Variants in CACNB2 observed in about 807,000 individuals in gnomAD.
CACNB2 encodes the protein calcium voltage-gated channel auxiliary subunit beta 2.
Under a neutral mutation model 73.3 loss-of-function variants are expected in CACNB2, and 42 were observed. The ratio of observed to expected loss-of-function variants is 0.57; its 90% confidence interval spans 0.45 to 0.74. The LOEUF (loss-of-function observed/expected upper bound fraction) is 0.74, where lower values mean the gene tolerates loss of function less well. Ranked by LOEUF, CACNB2 falls within the 30% of genes least tolerant of loss-of-function variation. The probability of loss-of-function intolerance (pLI) is 0.00; values close to 1 mark genes in which losing one functional copy is unlikely to be tolerated. For synonymous variants in CACNB2, 348 were observed against 310.3 expected (o/e 1.12, Z -1.28); for missense variants, 940 against 853.0 (o/e 1.10, Z -1.27).
At chr10:18,264,395 G>T (rs912174225) in intron 2 of CACNB2, among the ~76,000 whole-genome samples, 14 of 152,142 alleles carry the variant, frequency 9.2e-5, no homozygotes, top group Non-Finnish European at 1.8e-4. Context: ...AGAAAAGTGG[G>T]TGCAGAAATT....
chr10:18,474,893 C>T (rs1409204), intron 3 of CACNB2, among the ~76,000 whole-genome samples: 19,722 of 151,464 alleles, frequency 0.13, 1,401 homozygotes, highest in Admixed American at 0.18. Flanking sequence ...AGGCTGAGTC[C>T]CAAAAGACTG....
At chr10:18,514,469 C>T (rs372867040) in intron 7 of CACNB2, 100 bp downstream of exon 7, 157 of 1,613,930 alleles carry the variant, frequency 9.7e-5, no homozygotes, top group Admixed American at 1.5e-4. Context: ...AAGCCAATAA[C>T]GTGCATGCTC....
chr10:18,503,681 G>A (rs567603112), intron 5 of CACNB2, among the ~76,000 whole-genome samples: 72 of 152,348 alleles, frequency 4.7e-4, no homozygotes, highest in African/African-American at 1.6e-3. Flanking sequence ...TATATCGTTT[G>A]TTGAGGTTTG....
intron 9 of CACNB2, 69 bp from the exon 10 acceptor site, chr10:18,527,519 G>A (rs2052597508): frequency 5.4e-6 from 5 of 918,546 alleles, no homozygotes; most frequent in Non-Finnish European, 9.2e-6. Context: ...TGAATTTGGG[G>A]CATACACTTC....
intron 2 of CACNB2, among the ~76,000 whole-genome samples, chr10:18,353,469 T>G (rs2041796462): frequency 6.6e-6 from 1 of 152,110 alleles, no homozygotes; most frequent in African/African-American, 2.4e-5. Context: ...CTTGGAAAAG[T>G]CTTAGTTAAG....
At chr10:18,369,476 G>A (rs564141902) in intron 2 of CACNB2, among the ~76,000 whole-genome samples, 27 of 152,138 alleles carry the variant, frequency 1.8e-4, no homozygotes, top group Middle Eastern at 3.4e-3. Flanking sequence ...TCAGTGATGT[G>A]GTCTTATTTT....
intron 2 of CACNB2, chr10:18,341,017 G>A (rs201816240): frequency 2.8e-5 from 45 of 1,603,256 alleles, no homozygotes; most frequent in East Asian, 2.5e-4. Flanking sequence ...TGCACGGTGC[G>A]GTTTAAAGAA....
chr10:18,505,028 A>G (rs1019248459), intron 5 of CACNB2, among the ~76,000 whole-genome samples: 1 of 152,194 alleles, frequency 6.6e-6, no homozygotes, highest in Non-Finnish European at 1.5e-5. Flanking sequence ...CAGAAATTAT[A>G]AAAATTGACA....
intron 3 of CACNB2, among the ~76,000 whole-genome samples, chr10:18,464,520 G>A (rs190841722): frequency 1.0e-4 from 15 of 150,622 alleles, no homozygotes; most frequent in African/African-American, 2.9e-4. Context: ...ATATTCACAC[G>A]GACCTCAAAC....
intron 2 of CACNB2, among the ~76,000 whole-genome samples, chr10:18,272,108 C>T: frequency 6.6e-6 from 1 of 151,806 alleles, no homozygotes; most frequent in Non-Finnish European, 1.5e-5. Flanking sequence ...ATTGACTTCT[C>T]TATGGTAGTT....
intron 9 of CACNB2, among the ~76,000 whole-genome samples, chr10:18,520,883 G>C (rs996440485): frequency 3.9e-5 from 6 of 152,228 alleles, no homozygotes; most frequent in Non-Finnish European, 4.4e-5. Context: ...TTTGTTCTGT[G>C]TCTCTCCTTT....
chr10:18,535,969 T>A, intron 11 of CACNB2, 132 bp from the exon 12 acceptor site: 1 of 633,222 alleles, frequency 1.6e-6, no homozygotes, highest in South Asian at 1.9e-5. Flanking sequence ...TTGCAGATAA[T>A]CTTATAGCTC....
intron 2 of CACNB2, among the ~76,000 whole-genome samples, chr10:18,398,712 C>A (rs541219466): frequency 1.1e-4 from 16 of 140,300 alleles, no homozygotes; most frequent in South Asian, 2.3e-4. Flanking sequence ...CACACACACA[C>A]ACAATTGTTT....
chr10:18,257,716 C>T (rs72784216), intron 2 of CACNB2, among the ~76,000 whole-genome samples: 21,647 of 152,076 alleles, frequency 0.14, 1,898 homozygotes, highest in East Asian at 0.24. Context: ...GTTCCCTTGG[C>T]GTTCCCATTG....
At chr10:18,493,456 G>A (rs552036879) in intron 3 of CACNB2, among the ~76,000 whole-genome samples, 47 of 152,196 alleles carry the variant, frequency 3.1e-4, no homozygotes, top group African/African-American at 1.1e-3. Flanking sequence ...GTAAACCACT[G>A]CACCCATCCA....
chr10:18,475,159 C>T (rs1025442019), intron 3 of CACNB2, among the ~76,000 whole-genome samples: 2 of 151,564 alleles, frequency 1.3e-5, no homozygotes, highest in Non-Finnish European at 2.9e-5. Context: ...TCTAGGTACG[C>T]CACCCTTCCA....
chr10:18,463,118 C>A (rs1290573782), intron 3 of CACNB2, among the ~76,000 whole-genome samples: 1 of 152,138 alleles, frequency 6.6e-6, no homozygotes, highest in Non-Finnish European at 1.5e-5. Flanking sequence ...TCACAGATAG[C>A]AACAGCCTCA....
intron 2 of CACNB2, among the ~76,000 whole-genome samples, chr10:18,269,906 C>G (rs1317429890): frequency 1.4e-4 from 22 of 152,182 alleles, no homozygotes; most frequent in Admixed American, 1.4e-3. Context: ...CAATCATGTT[C>G]GATCATTGCT....
intron 2 of CACNB2, among the ~76,000 whole-genome samples, chr10:18,168,208 C>A (rs752814756): frequency 1.3e-5 from 2 of 152,118 alleles, no homozygotes; most frequent in Non-Finnish European, 2.9e-5. Flanking sequence ...ATCCCTTGAG[C>A]CCAGGAGTTC....
Sources: gnomAD v4.1 joint callset for allele counts (sites outside exome capture counted in the v4.1 genomes callset) on GRCh38, gnomAD v4.1.1 for gene constraint, MANE v1.5 for transcripts, NCBI Gene and HGNC (gene_info 2026-07-23, HGNC 2026-07-21) for gene names.